Variants in RABGAP1 observed in about 807,000 individuals in gnomAD.
RABGAP1 encodes rab GTPase-activating protein 1.
Under a neutral mutation model 137.6 loss-of-function variants are expected in RABGAP1, and 23 were observed. The observed-to-expected ratio is 0.17, with a 90% CI of 0.12 to 0.24. The LOEUF (loss-of-function observed/expected upper bound fraction) is 0.24, where lower values mean the gene tolerates loss of function less well. RABGAP1 is among the 10% of genes least tolerant of loss of function. The pLI is 1.00. For missense variants in RABGAP1, 906 were observed against 1,275.8 expected (o/e 0.71, Z 4.42); for synonymous variants, 451 against 450.7 (o/e 1.00, Z -0.01).
intron 2 of RABGAP1, among the ~76,000 whole-genome samples, chr9:122,973,201 C>T (rs1269827833): frequency 1.3e-5 from 2 of 152,094 alleles, no homozygotes. Flanking sequence ...GTTGGGGATG[C>T]ATTGATGAAC....
At chr9:122,932,015 G>T in the RABGAP1 span, among the ~76,000 whole-genome samples, 1 of 152,166 alleles carries the variant, frequency 6.6e-6, no homozygotes, top group African/African-American at 2.4e-5. Flanking sequence ...GCACTCCCAT[G>T]GCTTCCGTTA....
intron 2 of RABGAP1, among the ~76,000 whole-genome samples, chr9:122,977,795 A>G (rs573792182): frequency 2.2e-3 from 330 of 152,298 alleles, no homozygotes; most frequent in Non-Finnish European, 4.0e-3. Context: ...GTCTCTATCC[A>G]GTAGACAGTT....
chr9:123,083,291 C>G (rs552458252), intron 19 of RABGAP1, among the ~76,000 whole-genome samples: 1 of 152,200 alleles, frequency 6.6e-6, no homozygotes, highest in Non-Finnish European at 1.5e-5. Flanking sequence ...ATCTCTGTGT[C>G]AGAGTTGAAA....
chr9:122,972,100 T>C (rs1172275091), intron 2 of RABGAP1: 1 of 152,158 alleles, frequency 6.6e-6, no homozygotes, highest in Non-Finnish European at 1.5e-5. Flanking sequence ...ATTAAAAATC[T>C]TGTTACATTT....
intron 3 of RABGAP1, among the ~76,000 whole-genome samples, chr9:122,985,521 G>A (rs750341024): frequency 9.2e-5 from 14 of 151,722 alleles, no homozygotes; most frequent in African/African-American, 3.1e-4. Context: ...CTGAGGCAGC[G>A]GGAATTGCTT....
chr9:123,088,522 C>A (rs1031646419), intron 19 of RABGAP1, among the ~76,000 whole-genome samples: 1 of 152,026 alleles, frequency 6.6e-6, no homozygotes, highest in African/African-American at 2.4e-5. Flanking sequence ...AAACTCCATC[C>A]CTACAAAAAA....
At position 122,943,072 on chromosome 9, in the gene RABGAP1, C is replaced by CTTTTTT. The variant is rs10582436; in HGVS notation, c.-50+2003_-50+2008dup. Among the ~76,000 whole-genome samples, 6 of 116,170 alleles carry CTTTTTT rather than the reference C, an allele frequency of 5.2e-5. 1 individual carries two copies. The highest frequency in any genetic ancestry group is 2.5e-4 in the African/African-American group (6 of 23,658). The allele number at this position is 116,170 out of a possible 152,430, so 76.2% of individuals were successfully genotyped here. A position where few individuals can be genotyped will look rare whatever the true frequency, so the allele number is the denominator to read the frequency against. On this transcript the variant is annotated intron_variant, in intron 1 of 25. Transcript: ENST00000373647. Reference sequence around the variant, plus strand: ...ATATAGTCATGTTGTGGTGCACTTTCTTTTTTTTTTTTTTTTTTTTTTTTT... The same window carrying CTTTTTT: ...ATATAGTCATGTTGTGGTGCACTTTCTTTTTTTTTTTTTTTTTTTTTTTTTTTTTTT...
At position 123,104,007 on chromosome 9, in the gene RABGAP1, A is replaced by G. The variant is rs2035426988; in HGVS notation, c.*794A>G. 6.7e-6 allele frequency: 1 copy of G among 148,794 alleles called. No individual in the cohort carries two copies. Among genetic ancestry groups the G allele is most frequent in the African/African-American group, 2.5e-5 (1 of 39,720 alleles). The allele number at this position is 148,794 out of a possible 1,614,324, so 9.2% of individuals were successfully genotyped here. On this transcript the variant is annotated 3_prime_UTR_variant, in exon 26 of 26. Coordinates refer to ENST00000373647, the MANE Select transcript of RABGAP1 (RefSeq NM_012197.4). ...TGTGTGTGTGTGTGTATGTATATAT[A>G]TATATAAATATCTTTCCCAATATGC...
Position 123,020,424 on chromosome 9 carries a change from C to T in RABGAP1, c.1759C>T (p.His587Tyr), listed in dbSNP as rs750045268. 2 of 1,604,468 alleles carry T rather than the reference C, an allele frequency of 1.2e-6. No individual in the cohort carries two copies. The highest frequency in any genetic ancestry group is 1.3e-5 in the African/African-American group (1 of 74,892). The part of the protein sequence containing the change: ...QLLAGCHNND[H>Y]LVEKYRILIT... ...GCTAGCAGGCTGTCATAACAATGAC[C>T]ACCTGGTAGAGAAATACCGCATTCT... Residue 587 changes from histidine (H) to tyrosine (Y), a missense_variant, in exon 13 of 26, where the codon CAC becomes TAC. Coordinates refer to ENST00000373647, the MANE Select transcript of RABGAP1 (RefSeq NM_012197.4).
chr9:122,969,900 TTTTG>T (rs760297802), intron 2 of RABGAP1, among the ~76,000 whole-genome samples: 1 of 151,496 alleles, frequency 6.6e-6, no homozygotes, highest in African/African-American at 2.4e-5. Flanking sequence ...GGCTCTCGAG[TTTTG>T]TTTGTTTGTT....
Position 122,984,565 on chromosome 9 carries a change from A to G in RABGAP1, c.231A>G (p.Pro77=), listed in dbSNP as rs1321574195. 1.2e-5 allele frequency: 19 copies of G among 1,614,058 alleles called. No homozygotes were observed. Among genetic ancestry groups the G allele is most frequent in the East Asian group, 1.1e-4 (5 of 44,894 alleles). ...VLMDPPMDDQ[P]GEKELVKRSQ... is the part of the protein sequence containing the mutation. Reference sequence around the variant, plus strand: ...TGGATCCTCCAATGGACGACCAGCCAGGGGAAAAGGAGCTTGTGAAAAGGT... The same window carrying G: ...TGGATCCTCCAATGGACGACCAGCCGGGGGAAAAGGAGCTTGTGAAAAGGT... Residue 77 remains proline, a synonymous_variant, in exon 3 of 26, where the codon CCA becomes CCG. Transcript: ENST00000373647.
intron 12 of RABGAP1, among the ~76,000 whole-genome samples, chr9:123,018,105 C>G (rs2031367325): frequency 6.6e-6 from 1 of 152,178 alleles, no homozygotes; most frequent in South Asian, 2.1e-4. Context: ...TGCCATTCTC[C>G]TGCCTCAGCC....
At position 123,074,561 on chromosome 9, in the gene RABGAP1, C is replaced by G. The variant is rs1184244321; in HGVS notation, c.2253+133C>G. On this transcript the variant is annotated intron_variant, in intron 17 of 25. Transcript: ENST00000373647. ...TTATTTTATTTTATTGCTAGGAAAT[C>G]TAGGTTTAAGTGACTTCCTTGGACT... 4.7e-6 allele frequency: 5 copies of G among 1,070,882 alleles called. No homozygotes were observed. The East Asian group carries it at 8.1e-5, about 17-fold the overall frequency. 66.3% of individuals were successfully genotyped at this position (1,070,882 alleles called of 1,614,324 possible).
At chr9:122,956,506 C>T (rs532504577) in intron 1 of RABGAP1, among the ~76,000 whole-genome samples, 5 of 152,054 alleles carry the variant, frequency 3.3e-5, no homozygotes, top group South Asian at 2.1e-4. Context: ...AAAAATTAGC[C>T]GGGCGTGGTG....
At chr9:122,992,396 A>G (rs1302504199) in intron 6 of RABGAP1, among the ~76,000 whole-genome samples, 1 of 152,092 alleles carries the variant, frequency 6.6e-6, no homozygotes, top group African/African-American at 2.4e-5. Flanking sequence ...TAATTATTAA[A>G]TAGGAAAGAT....
At chr9:122,967,776 C>A (rs1480161467) in intron 2 of RABGAP1, among the ~76,000 whole-genome samples, 1 of 150,832 alleles carries the variant, frequency 6.6e-6, no homozygotes, top group African/African-American at 2.4e-5. Context: ...GAGTTTCACT[C>A]TTGTTGCCCA....
rs563452188 is a variant in RABGAP1 at position 123,082,392 on chromosome 9, G to T, written c.2424+5630G>T. ...ATTCCATTCTAAATAGATTATTCTA[G>T]AAGATCATTTATGGACCTGGGAGCC... On this transcript the variant is annotated intron_variant, in intron 19 of 25. Transcript: ENST00000373647. Among the ~76,000 whole-genome samples the T allele has an allele frequency of 6.6e-5, 10 of 152,276 alleles. No individual in the cohort carries two copies. The South Asian group carries it at 1.9e-3, about 28-fold the overall frequency.
chr9:123,037,482 C>G (rs1006961959), intron 13 of RABGAP1, among the ~76,000 whole-genome samples: 4 of 152,086 alleles, frequency 2.6e-5, no homozygotes, highest in African/African-American at 9.7e-5. Context: ...GGTTAAATTG[C>G]CATTTCAAAT....
intron 14 of RABGAP1, among the ~76,000 whole-genome samples, chr9:123,066,049 G>C (rs966903844): frequency 1.3e-5 from 2 of 152,184 alleles, no homozygotes; most frequent in Non-Finnish European, 2.9e-5. Context: ...GTCTTCATCT[G>C]TTCTCAGAAT....
Sources: allele counts gnomAD v4.1 joint callset (sites outside exome capture counted in the v4.1 genomes callset), GRCh38; gene constraint gnomAD v4.1.1; transcripts MANE v1.5; gene names NCBI Gene and HGNC (gene_info 2026-07-23, HGNC 2026-07-21).